The following HS2ST1 variants were observed in gnomAD, a reference collection of about 807,000 sequenced individuals.
HS2ST1 encodes the protein heparan sulfate 2-O-sulfotransferase 1.
Under a neutral mutation model 42.9 loss-of-function variants are expected in HS2ST1, and 18 were observed. The ratio of observed to expected loss-of-function variants is 0.42; its 90% CI spans 0.29 to 0.62. The LOEUF (loss-of-function observed/expected upper bound fraction) is 0.62. HS2ST1 is among the 20% of genes least tolerant of loss of function. The pLI, the probability that HS2ST1 is intolerant of heterozygous loss-of-function variation, is 0.21. For missense variants in HS2ST1, 334 were observed against 433.8 expected, an observed-to-expected ratio of 0.77 and a Z score of 2.04; for synonymous variants, 146 against 152.9, an observed-to-expected ratio of 0.95 and a Z score of 0.33.
intron 4 of HS2ST1, among the ~76,000 whole-genome samples, chr1:87,095,153 A>C (rs1037124472): frequency 1.3e-5 from 2 of 152,122 alleles, no homozygotes; most frequent in Non-Finnish European, 2.9e-5. Context: ...GTTTTCATTA[A>C]ACTCATCTGT....
chr1:87,030,741 G>A (rs1650214731), intron 1 of HS2ST1, among the ~76,000 whole-genome samples: 1 of 151,870 alleles, frequency 6.6e-6, no homozygotes, highest in Non-Finnish European at 1.5e-5. Context: ...TCTCTTACTC[G>A]AATAATAAGA....
At chr1:86,964,240 G>A (rs899784285) in intron 1 of HS2ST1, among the ~76,000 whole-genome samples, 2 of 152,208 alleles carry the variant, frequency 1.3e-5, no homozygotes, top group African/African-American at 4.8e-5. Flanking sequence ...CGGGGTGGCG[G>A]CCAGGCAGAG....
intron 1 of HS2ST1, among the ~76,000 whole-genome samples, chr1:86,979,139 AGCCACT>A (rs1648509547): frequency 2.0e-5 from 3 of 152,128 alleles, no homozygotes; most frequent in African/African-American, 7.2e-5. Flanking sequence ...TATAGGCGTG[AGCCACT>A]GCCGCTGGCT....
chr1:87,081,361 A>T (rs1651683252), intron 2 of HS2ST1, among the ~76,000 whole-genome samples: 1 of 152,248 alleles, frequency 6.6e-6, no homozygotes, highest in Non-Finnish European at 1.5e-5. Flanking sequence ...TATATCAAAT[A>T]TCTTCTCTGA....
intron 1 of HS2ST1, among the ~76,000 whole-genome samples, chr1:87,025,419 A>T (rs1029077049): frequency 6.6e-6 from 1 of 152,218 alleles, no homozygotes; most frequent in Admixed American, 6.5e-5. Context: ...GGCAGAACCT[A>T]GCAGGAAGCC....
intron 1 of HS2ST1, chr1:87,046,549 G>A (rs1650671904): frequency 1.3e-6 from 2 of 1,564,190 alleles, no homozygotes; most frequent in African/African-American, 1.4e-5. Flanking sequence ...TCAGGTATCT[G>A]TTGATAATGG....
chr1:87,095,537 A>G (rs148083691), intron 4 of HS2ST1, among the ~76,000 whole-genome samples: 92 of 152,282 alleles, frequency 6.0e-4, no homozygotes, highest in African/African-American at 2.0e-3. Flanking sequence ...GGAGATTTCA[A>G]ATTTGCATAT....
intron 1 of HS2ST1, among the ~76,000 whole-genome samples, chr1:86,951,411 C>CA (rs1213059902): frequency 3.3e-5 from 5 of 152,182 alleles, no homozygotes; most frequent in African/African-American, 1.2e-4. Flanking sequence ...AAGCAAGTGA[C>CA]ACGAATATTT....
intron 2 of HS2ST1, among the ~76,000 whole-genome samples, chr1:87,079,162 C>T (rs943479859): frequency 1.4e-4 from 21 of 149,784 alleles, no homozygotes; most frequent in African/African-American, 3.7e-4. Context: ...CAGCCTTGCT[C>T]GGTCGCCCAG....
chr1:87,066,980 T>C (rs2100629077), intron 1 of HS2ST1, among the ~76,000 whole-genome samples: 1 of 152,312 alleles, frequency 6.6e-6, no homozygotes, highest in East Asian at 1.9e-4. Context: ...TTGATGGGGA[T>C]TTGGGTTGGT....
chr1:86,973,166 T>A (rs888720521), intron 1 of HS2ST1, among the ~76,000 whole-genome samples: 3 of 152,100 alleles, frequency 2.0e-5, no homozygotes, highest in African/African-American at 7.2e-5. Flanking sequence ...GCAGATAAAA[T>A]CTAAGGATCT....
intron 1 of HS2ST1, among the ~76,000 whole-genome samples, chr1:86,963,251 A>G (rs1409304210): frequency 6.6e-6 from 1 of 151,986 alleles, no homozygotes; most frequent in African/African-American, 2.4e-5. Context: ...AGGGAAGGTC[A>G]GCAGATAAAC....
chr1:86,977,271 A>G (rs1648448605), intron 1 of HS2ST1, among the ~76,000 whole-genome samples: 1 of 152,216 alleles, frequency 6.6e-6, no homozygotes, highest in South Asian at 2.1e-4. Flanking sequence ...TGTATACACT[A>G]GTAGTCAAAG....
At chr1:86,918,877 A>G (rs1660226745) in intron 1 of HS2ST1, among the ~76,000 whole-genome samples, 1 of 145,692 alleles carries the variant, frequency 6.9e-6, no homozygotes, top group African/African-American at 2.5e-5. Context: ...ACTTTTTTCT[A>G]TTTTTCTATT....
chr1:86,924,542 A>G lies in HS2ST1; in HGVS notation c.124+9382A>G, dbSNP rs377668005. 6.6e-5 allele frequency among the ~76,000 whole-genome samples: 10 copies of G among 152,264 alleles called. No homozygotes were observed. In the East Asian group the frequency reaches 1.7e-3, roughly 27 times the overall value. On this transcript the variant is annotated intron_variant, in intron 1 of 6. Transcript: ENST00000370550. ...CTTGGGTATCCAGGTGTTTCCATAC[A>G]TCTTCTGAAATCTAGGCTGAGGTTC...
At chr1:86,942,912 C>A (rs1189143432) in intron 1 of HS2ST1, among the ~76,000 whole-genome samples, 1 of 148,288 alleles carries the variant, frequency 6.7e-6, no homozygotes, top group Non-Finnish European at 1.5e-5. Context: ...AACTAGGAGT[C>A]ATCCTTGATT....
At chr1:86,967,435 T>G (rs1648081803) in intron 1 of HS2ST1, among the ~76,000 whole-genome samples, 1 of 152,184 alleles carries the variant, frequency 6.6e-6, no homozygotes, top group East Asian at 1.9e-4. Flanking sequence ...TAGTCTTTTA[T>G]TCCACATTCC....
At chr1:86,980,889 C>T (rs1212330395) in intron 1 of HS2ST1, among the ~76,000 whole-genome samples, 2 of 152,086 alleles carry the variant, frequency 1.3e-5, no homozygotes, top group Non-Finnish European at 2.9e-5. Flanking sequence ...TTCTTTCTGG[C>T]TAAAAAGTGT....
Position 87,072,727 on chromosome 1 carries a change from TG to T in HS2ST1, c.125-206del, listed in dbSNP as rs142262529. Among the ~76,000 whole-genome samples, 818 of 152,332 alleles carry T rather than the reference TG, an allele frequency of 5.4e-3. 9 individuals carry two copies. Among genetic ancestry groups the T allele is most frequent in the African/African-American group, 0.019 (773 of 41,564 alleles). ...ACCTAGTTCTTGAATAGGAAGATTA[TG>T]TTCCAGGCTGTACAGCTGTTTTAGA... On this transcript the variant is annotated intron_variant, in intron 1 of 6. Coordinates refer to ENST00000370550, the MANE Select transcript of HS2ST1 (RefSeq NM_012262.4).
Sources: allele counts gnomAD v4.1 joint callset (sites outside exome capture counted in the v4.1 genomes callset), GRCh38; gene constraint gnomAD v4.1.1; transcripts MANE v1.5; gene names NCBI Gene and HGNC (gene_info 2026-07-23, HGNC 2026-07-21).